The following SH3PXD2A variants were observed in gnomAD, a reference collection of about 807,000 sequenced individuals.
The protein encoded by SH3PXD2A is SH3 and PX domain-containing protein 2A.
In SH3PXD2A, 32 loss-of-function variants were observed where a neutral mutation model predicts 115.2. That is an observed-to-expected ratio of 0.28 (90% CI 0.21 to 0.37). The LOEUF (loss-of-function observed/expected upper bound fraction) is 0.37. Among genes scored for constraint, SH3PXD2A ranks in the 10% least tolerant of loss-of-function variants. The pLI, the probability that SH3PXD2A is intolerant of heterozygous loss-of-function variation, is 1.00. For synonymous variants in SH3PXD2A, 610 were observed against 629.1 expected (o/e 0.97, Z 0.45); for missense variants, 1,328 against 1,498.7 (o/e 0.89, Z 1.88).
intron 8 of SH3PXD2A, among the ~76,000 whole-genome samples, chr10:103,635,239 A>G (rs2036845965): frequency 6.6e-6 from 1 of 152,244 alleles, no homozygotes; most frequent in Admixed American, 6.5e-5. Flanking sequence ...TGGCTGCCAC[A>G]CCTGGCTTCT....
At position 103,795,464 on chromosome 10, in the gene SH3PXD2A, A is replaced by G. The variant is rs191514213; in HGVS notation, c.153+5818T>C. On this transcript the variant is annotated intron_variant, in intron 2 of 14. Transcript: ENST00000369774. ...CAGGGTATGGATAACCAAAAAGGTTACTAGAATTACAGGTGCACATTCATG... is the reference window on the plus strand; with the variant it reads ...CAGGGTATGGATAACCAAAAAGGTTGCTAGAATTACAGGTGCACATTCATG... Among the ~76,000 whole-genome samples the G allele has an allele frequency of 1.4e-3, 219 of 152,310 alleles. 3 individuals carry two copies. Among genetic ancestry groups the G allele is most frequent in the African/African-American group, 4.8e-3 (198 of 41,556 alleles).
chr10:103,850,090 T>G (rs1193412437), intron 1 of SH3PXD2A, among the ~76,000 whole-genome samples: 1 of 152,134 alleles, frequency 6.6e-6, no homozygotes, highest in East Asian at 1.9e-4. Flanking sequence ...CTAACAACAC[T>G]TCCCTAATTC....
chr10:103,671,608 G>A (rs535410163), intron 6 of SH3PXD2A, among the ~76,000 whole-genome samples: 12 of 152,292 alleles, frequency 7.9e-5, no homozygotes, highest in South Asian at 2.1e-4. Context: ...GCAAGCTCTC[G>A]AGGGGTGGGA....
chr10:103,657,153 A>G (rs1412664249), intron 8 of SH3PXD2A, among the ~76,000 whole-genome samples: 1 of 152,160 alleles, frequency 6.6e-6, no homozygotes, highest in Admixed American at 6.5e-5. Flanking sequence ...CCATGGAAGT[A>G]TAAGAACTCC....
chr10:103,688,197 C>G (rs2037704054), intron 6 of SH3PXD2A, among the ~76,000 whole-genome samples: 1 of 152,236 alleles, frequency 6.6e-6, no homozygotes, highest in African/African-American at 2.4e-5. Flanking sequence ...GCCTCCCGCT[C>G]TCTGCTCCCA....
chr10:103,720,536 T>C (rs373059607), intron 5 of SH3PXD2A, among the ~76,000 whole-genome samples: 1 of 152,172 alleles, frequency 6.6e-6, no homozygotes, highest in African/African-American at 2.4e-5. Context: ...CCAGCCCCCA[T>C]GAATTCTCAA....
intron 2 of SH3PXD2A, among the ~76,000 whole-genome samples, chr10:103,790,303 C>G (rs555998204): frequency 6.6e-6 from 1 of 152,030 alleles, no homozygotes; most frequent in Non-Finnish European, 1.5e-5. Flanking sequence ...TACAGGCGCC[C>G]GCCATCACCC....
intron 1 of SH3PXD2A, among the ~76,000 whole-genome samples, chr10:103,819,496 G>A (rs1232418336): frequency 6.6e-5 from 10 of 152,130 alleles, no homozygotes; most frequent in African/African-American, 2.4e-4. Flanking sequence ...CTGGAGCCTG[G>A]AGCCCAAGGC....
chr10:103,772,732 G>A lies in SH3PXD2A; in HGVS notation c.154-5563C>T, dbSNP rs1031306055. ...ACGCAGGGGAGAGGGGAGGACGGGC[G>A]AGCCCAGCTGGGGCACATCTGTAAC... On this transcript the variant is annotated intron_variant, in intron 2 of 14. Transcript: ENST00000369774. 1.5e-4 allele frequency among the ~76,000 whole-genome samples: 23 copies of A among 152,300 alleles called. No homozygotes were observed. The Middle Eastern group carries it at 0.01, about 68-fold the overall frequency.
intron 3 of SH3PXD2A, among the ~76,000 whole-genome samples, chr10:103,739,500 T>C (rs112616998): frequency 7.8e-4 from 119 of 152,226 alleles, no homozygotes; most frequent in African/African-American, 2.8e-3. Context: ...TCTCCGGTCT[T>C]GACTTCTCTG....
At position 103,610,389 on chromosome 10, in the gene SH3PXD2A, G is replaced by A. The variant is rs566023596; in HGVS notation, c.1308+1192C>T. ...CCCCATTCTTGCCAAAATCAAGTCT[G>A]CCTGAAAATAATTAGCCGTGGCTAG... On this transcript the variant is annotated intron_variant, in intron 13 of 14. Transcript: ENST00000369774. 4.6e-5 allele frequency among the ~76,000 whole-genome samples: 7 copies of A among 152,356 alleles called. No homozygotes were observed. In the South Asian group the frequency reaches 1.5e-3, roughly 32 times the overall value.
At chr10:103,674,961 CA>C (rs1412533441) in intron 6 of SH3PXD2A, among the ~76,000 whole-genome samples, 8 of 152,282 alleles carry the variant, frequency 5.3e-5, no homozygotes, top group African/African-American at 1.7e-4. Flanking sequence ...AAGTCTGGTC[CA>C]GGGGGCAGTT....
rs1592267112 is a variant in SH3PXD2A at position 103,621,509 on chromosome 10, T to C, written c.802+961A>G. On this transcript the variant is annotated intron_variant, in intron 10 of 14. Transcript: ENST00000369774. ...TGGGCCTGGGGCAGACACCAAAACA[T>C]GCTCTTACAGTCATTTAGAACCAAG... is the stretch of plus-strand genomic sequence containing the variant. Among the ~76,000 whole-genome samples the C allele has an allele frequency of 2.0e-5, 3 of 152,078 alleles. No homozygotes were observed. The South Asian group carries it at 6.2e-4, about 32-fold the overall frequency.
chr10:103,839,268 C>T (rs149163044), intron 1 of SH3PXD2A, among the ~76,000 whole-genome samples: 279 of 152,224 alleles, frequency 1.8e-3, no homozygotes, highest in Non-Finnish European at 3.2e-3. Flanking sequence ...AGGTTCGACA[C>T]GAGGCCAAGC....
At chr10:103,649,962 C>T (rs1450075784) in intron 8 of SH3PXD2A, among the ~76,000 whole-genome samples, 4 of 152,254 alleles carry the variant, frequency 2.6e-5, no homozygotes, top group Non-Finnish European at 5.9e-5. Flanking sequence ...TGCATCCTTC[C>T]CAGCCTGACA....
intron 6 of SH3PXD2A, chr10:103,678,143 G>A (rs774918702): frequency 3.1e-6 from 4 of 1,289,126 alleles, no homozygotes; most frequent in Middle Eastern, 4.3e-4. Flanking sequence ...GAGCAGGAAC[G>A]ACCCGTTCAT....
chr10:103,854,370 C>T (rs565908043), intron 1 of SH3PXD2A, among the ~76,000 whole-genome samples: 23 of 152,222 alleles, frequency 1.5e-4, no homozygotes, highest in African/African-American at 5.3e-4. Flanking sequence ...TGTTTACTTC[C>T]TAAGGTGTGA....
intron 4 of SH3PXD2A, among the ~76,000 whole-genome samples, chr10:103,726,907 G>A (rs764542025): frequency 2.6e-5 from 4 of 152,190 alleles, no homozygotes; most frequent in Non-Finnish European, 5.9e-5. Flanking sequence ...CCTTTCAGGG[G>A]TCATGGCTCT....
chr10:103,652,879 G>A (rs754958499), intron 8 of SH3PXD2A, among the ~76,000 whole-genome samples: 5 of 152,142 alleles, frequency 3.3e-5, no homozygotes, highest in Non-Finnish European at 7.3e-5. Context: ...GGGGCTTCGA[G>A]TAGGCAGGCA....
Sources: allele counts gnomAD v4.1 joint callset (sites outside exome capture counted in the v4.1 genomes callset), GRCh38; gene constraint gnomAD v4.1.1; transcripts MANE v1.5; gene names NCBI Gene and HGNC (gene_info 2026-07-23, HGNC 2026-07-21).